The following RGSL1 variants were observed in gnomAD, a reference collection of about 807,000 sequenced individuals.
RGSL1 encodes the protein regulator of G protein signaling protein-like.
Under a neutral mutation model 124.7 loss-of-function variants are expected in RGSL1, and 97 were observed. That is an observed-to-expected ratio of 0.78 (90% CI 0.66 to 0.92). RGSL1 has a LOEUF of 0.92. Among genes scored for constraint, RGSL1 ranks in the 40% least tolerant of loss-of-function variants. The pLI is 0.00. For missense variants in RGSL1, 1,233 were observed against 1,288.4 expected, an observed-to-expected ratio of 0.96 and a Z score of 0.66; for synonymous variants, 424 against 438.1, an observed-to-expected ratio of 0.97 and a Z score of 0.40.
In RGSL1 at chr1:182,548,792, T is replaced by C. The variant is rs1467007342; in HGVS notation, c.2901T>C (p.Ser967=). The part of the protein sequence containing the change: ...DRSVFHGAIM[S]VFPVVMYFWK... ...GCGTCTTCCATGGGGCTATCATGTC[T>C]GTCTTCCCCGTTGTTATGTACTTCT... is the stretch of plus-strand genomic sequence containing the variant. Residue 967 remains serine (S), a synonymous_variant, in exon 17 of 22, where the codon TCT becomes TCC. Coordinates refer to ENST00000294854, the MANE Select transcript of RGSL1 (RefSeq NM_001137669.2). The C allele has an allele frequency of 6.4e-7, 1 of 1,551,722 alleles. No homozygotes were observed. The highest frequency in any genetic ancestry group is 1.4e-5 in the African/African-American group (1 of 73,176).
intron 13 of RGSL1, 67 bp from the exon 14 acceptor site, chr1:182,532,594 AC>A: frequency 6.7e-7 from 1 of 1,486,008 alleles, no homozygotes; most frequent in Non-Finnish European, 9.1e-7. Flanking sequence ...AAGTTTTGGC[AC>A]ACAGTAGACT....
intron 6 of RGSL1, among the ~76,000 whole-genome samples, chr1:182,485,000 G>C: frequency 6.6e-6 from 1 of 152,118 alleles, no homozygotes; most frequent in African/African-American, 2.4e-5. Context: ...CGGTAGTCTT[G>C]CAGGCCACAG....
intron 20 of RGSL1, 162 bp downstream of exon 20, chr1:182,554,855 G>C: frequency 1.5e-6 from 1 of 686,230 alleles, no homozygotes; most frequent in South Asian, 1.8e-5. Context: ...GGAAGTTAAA[G>C]AGGTGTTTCT....
chr1:182,459,900 A>G, intron 3 of RGSL1, 104 bp from the exon 4 acceptor site: 1 of 1,365,796 alleles, frequency 7.3e-7, no homozygotes, highest in Non-Finnish European at 9.8e-7. Flanking sequence ...CCTTCTGGCC[A>G]GACACTGCAA....
chr1:182,486,347 G>C (rs181489668), intron 6 of RGSL1, among the ~76,000 whole-genome samples: 1 of 132,422 alleles, frequency 7.6e-6, no homozygotes, highest in African/African-American at 2.9e-5. Context: ...GTCTCCCTCT[G>C]TTGCCCAGGC....
At chr1:182,558,969 C>T (rs972998320) in intron 21 of RGSL1, among the ~76,000 whole-genome samples, 3 of 152,202 alleles carry the variant, frequency 2.0e-5, no homozygotes, top group East Asian at 1.9e-4. Flanking sequence ...TCCTAGACCA[C>T]CTTCCTTAGA....
chr1:182,499,794 T>C (rs1656214839), intron 9 of RGSL1, among the ~76,000 whole-genome samples: 2 of 152,208 alleles, frequency 1.3e-5, no homozygotes, highest in Admixed American at 1.3e-4. Flanking sequence ...TGTGCTTTTG[T>C]GGTAGTCAAT....
At chr1:182,521,404 T>A (rs905557527) in intron 9 of RGSL1, among the ~76,000 whole-genome samples, 1 of 152,246 alleles carries the variant, frequency 6.6e-6, no homozygotes, top group Non-Finnish European at 1.5e-5. Flanking sequence ...GGGAGAATAA[T>A]GGTTTCTAAA....
At chr1:182,466,063 C>G (rs1168554384) in intron 4 of RGSL1, among the ~76,000 whole-genome samples, 3 of 151,696 alleles carry the variant, frequency 2.0e-5, no homozygotes, top group African/African-American at 7.3e-5. Context: ...AAGAAGAAAA[C>G]TACATAATCA....
chr1:182,498,203 T>G (rs1169623451), intron 9 of RGSL1, among the ~76,000 whole-genome samples: 2 of 152,088 alleles, frequency 1.3e-5, no homozygotes, highest in Non-Finnish European at 2.9e-5. Context: ...TTCATTACTG[T>G]GATTATTTTG....
intron 18 of RGSL1, 87 bp from the exon 19 acceptor site, chr1:182,553,368 A>T (rs1393542932): frequency 3.1e-6 from 3 of 969,302 alleles, no homozygotes; most frequent in East Asian, 2.6e-5. Flanking sequence ...AGTGTGTTAA[A>T]CAAGAGCTTT....
intron 9 of RGSL1, among the ~76,000 whole-genome samples, chr1:182,518,092 T>C (rs1658034691): frequency 6.6e-6 from 1 of 152,186 alleles, no homozygotes; most frequent in Non-Finnish European, 1.5e-5. Context: ...CAGACTAGAA[T>C]GCAGTGGTAC....
In RGSL1 at chr1:182,540,481, C is replaced by T. The variant is rs141596225; in HGVS notation, c.2669+60C>T. 1.5e-3 allele frequency: 2,129 copies of T among 1,460,998 alleles called. 29 individuals carry two copies. The African/African-American group carries it at 0.026, about 18-fold the overall frequency. 90.5% of individuals were successfully genotyped at this position (1,460,998 alleles called of 1,614,324 possible). A position where few individuals can be genotyped will look rare whatever the true frequency, so the allele number is the denominator to read the frequency against. ...AATGACTTTTCATCCTTAGGACTGC[C>T]CAGCAGAAACTGGCTTGATCTGTTA... On this transcript the variant is annotated intron_variant, in intron 15 of 21. Coordinates refer to ENST00000294854, the MANE Select transcript of RGSL1 (RefSeq NM_001137669.2).
At chr1:182,469,810 GCA>G (rs929018079) in intron 4 of RGSL1, among the ~76,000 whole-genome samples, 13 of 152,032 alleles carry the variant, frequency 8.6e-5, no homozygotes, top group African/African-American at 3.1e-4. Context: ...ATATATATAT[GCA>G]CAATGGAATA....
intron 10 of RGSL1, among the ~76,000 whole-genome samples, chr1:182,526,776 AAAATCTAAGAC>A (rs1658780256): frequency 6.6e-6 from 1 of 152,146 alleles, no homozygotes; most frequent in East Asian, 1.9e-4. Context: ...AGGCTTTTAC[AAAATCTAAGAC>A]ACATGTGTGA....
chr1:182,455,489 C>G (rs545320545), intron 2 of RGSL1, among the ~76,000 whole-genome samples: 29 of 151,462 alleles, frequency 1.9e-4, no homozygotes, highest in Non-Finnish European at 2.7e-4. Context: ...GGCTGAGGCA[C>G]GAGAATCACT....
At chr1:182,557,042 T>C (rs757527437) in intron 21 of RGSL1, among the ~76,000 whole-genome samples, 8 of 152,190 alleles carry the variant, frequency 5.3e-5, no homozygotes, top group African/African-American at 1.2e-4. Context: ...AAGGTGATGT[T>C]GGAGCAGAAC....
chr1:182,515,680 C>A (rs1446850152), intron 9 of RGSL1, among the ~76,000 whole-genome samples: 1 of 152,184 alleles, frequency 6.6e-6, no homozygotes, highest in South Asian at 2.1e-4. Context: ...GGAATGGCTC[C>A]GCCGGCACGG....
intron 9 of RGSL1, among the ~76,000 whole-genome samples, chr1:182,515,999 C>T (rs1657863104): frequency 6.6e-6 from 1 of 152,204 alleles, no homozygotes; most frequent in Admixed American, 6.5e-5. Context: ...GAGATAGGAG[C>T]CATTTCAAAC....
Sources: gnomAD v4.1 joint callset for allele counts (sites outside exome capture counted in the v4.1 genomes callset) on GRCh38, gnomAD v4.1.1 for gene constraint, MANE v1.5 for transcripts, NCBI Gene and HGNC (gene_info 2026-07-23, HGNC 2026-07-21) for gene names.